The following RUNX1 variants were observed in gnomAD, a reference collection of about 807,000 sequenced individuals.
RUNX1 encodes runt-related transcription factor 1.
RUNX1 carries 19 observed loss-of-function variants against 42.8 expected under a neutral mutation model. That is an observed-to-expected ratio of 0.44 (90% CI 0.31 to 0.65). RUNX1 has a LOEUF of 0.65. Ranked by LOEUF, RUNX1 falls within the 30% of genes least tolerant of loss-of-function variation. The probability of loss-of-function intolerance (pLI) is 0.07; values close to 1 mark genes in which losing one functional copy is unlikely to be tolerated. For synonymous variants in RUNX1, 271 were observed against 289.4 expected, an observed-to-expected ratio of 0.94 and a Z score of 0.64; for missense variants, 528 against 672.0, an observed-to-expected ratio of 0.79 and a Z score of 2.37.
At position 34,880,550 on chromosome 21, in the gene RUNX1, A is replaced by G; in HGVS notation, c.508+7T>C. 6.2e-7 allele frequency: 1 copy of G among 1,614,038 alleles called. No homozygotes were observed. The highest frequency in any genetic ancestry group is 8.5e-7 in the Non-Finnish European group (1 of 1,179,894). ...TGTTTCAAGCATAGTTTTGACAGAT[A>G]ACGTACCTCTTCCACTTCGACCGAC... On this transcript the variant is annotated splice_region_variant and intron_variant, in intron 5 of 8. Coordinates refer to ENST00000675419, the MANE Select transcript of RUNX1 (RefSeq NM_001754.5).
intron 8 of RUNX1, among the ~76,000 whole-genome samples, chr21:34,796,465 G>A (rs753402711): frequency 4.6e-4 from 70 of 152,182 alleles, no homozygotes; most frequent in Non-Finnish European, 6.5e-4. Flanking sequence ...TGGCTGGCCT[G>A]GTGTCCCCTG....
intron 2 of RUNX1, among the ~76,000 whole-genome samples, chr21:34,997,883 G>A (rs1030850890): frequency 2.0e-5 from 3 of 152,082 alleles, no homozygotes; most frequent in Non-Finnish European, 4.4e-5. Flanking sequence ...CTTCATTTTG[G>A]CCTTTTCTGT....
At chr21:34,856,344 C>T in intron 6 of RUNX1, 1 of 518,946 alleles carries the variant, frequency 1.9e-6, no homozygotes, top group South Asian at 1.4e-5. Flanking sequence ...TACCATTTGC[C>T]CTTCTATAAT....
chr21:34,933,035 G>A (rs954321273), intron 2 of RUNX1, among the ~76,000 whole-genome samples: 6 of 152,214 alleles, frequency 3.9e-5, no homozygotes, highest in Non-Finnish European at 7.3e-5. Flanking sequence ...TGCTTTTGAA[G>A]TGGTATTAAG....
rs554918684 is a variant in RUNX1, at chr21:34,950,671, G to A, written c.59-57708C>T. 1.8e-4 allele frequency among the ~76,000 whole-genome samples: 27 copies of A among 152,316 alleles called. 1 individual carries two copies. Among genetic ancestry groups the A allele is most frequent in the Admixed American group, 1.7e-3 (26 of 15,306 alleles). On this transcript the variant is annotated intron_variant, in intron 2 of 8. Transcript: ENST00000675419. ...AGAATCACTTGAAACCAGAGGTGGA[G>A]GTTGCAGTGATCTGAGATCTTGCCA... is the stretch of plus-strand genomic sequence containing the variant.
chr21:34,894,692 C>G lies in RUNX1; in HGVS notation c.59-1729G>C, dbSNP rs560392208. 2.6e-5 allele frequency among the ~76,000 whole-genome samples: 4 copies of G among 152,204 alleles called. No homozygotes were observed. In the South Asian group the frequency reaches 8.3e-4, roughly 32 times the overall value. ...TAGCTTGCATGCTCTCTCTCTGTCT[C>G]TCTCTTCCCTACATCCCCCATTGAA... On this transcript the variant is annotated intron_variant, in intron 2 of 8. Coordinates refer to ENST00000675419, the MANE Select transcript of RUNX1 (RefSeq NM_001754.5).
At chr21:34,926,691 A>G (rs1036744926) in intron 2 of RUNX1, among the ~76,000 whole-genome samples, 7 of 152,112 alleles carry the variant, frequency 4.6e-5, no homozygotes, top group African/African-American at 1.7e-4. Context: ...ATATCAGGTT[A>G]AGGTATGTGA....
At chr21:34,849,913 AATT>A (rs895988883) in intron 6 of RUNX1, among the ~76,000 whole-genome samples, 3 of 150,886 alleles carry the variant, frequency 2.0e-5, no homozygotes, top group Non-Finnish European at 3.0e-5. Context: ...GCTAAACTGG[AATT>A]ATTATTATTA....
chr21:34,796,854 GT>G (rs983506066), intron 8 of RUNX1, among the ~76,000 whole-genome samples: 13 of 152,206 alleles, frequency 8.5e-5, no homozygotes, highest in Admixed American at 2.0e-4. Flanking sequence ...TTCAGACAAG[GT>G]GTGGAGTCTG....
At chr21:34,958,949 G>C (rs1367336434) in intron 2 of RUNX1, among the ~76,000 whole-genome samples, 1 of 150,862 alleles carries the variant, frequency 6.6e-6, no homozygotes, top group Admixed American at 6.6e-5. Flanking sequence ...CTATCGCAAA[G>C]ACAAAAAACC....
At chr21:34,898,932 T>A (rs1279535397) in intron 2 of RUNX1, among the ~76,000 whole-genome samples, 1 of 152,058 alleles carries the variant, frequency 6.6e-6, no homozygotes, top group African/African-American at 2.4e-5. Context: ...TTTTATTTTT[T>A]AGACAGAGTC....
intron 2 of RUNX1, among the ~76,000 whole-genome samples, chr21:34,998,172 G>A (rs2059011092): frequency 6.6e-6 from 1 of 152,122 alleles, no homozygotes; most frequent in African/African-American, 2.4e-5. Context: ...TATCTTTGCT[G>A]CCCTCGTTTC....
chr21:35,009,251 C>A (rs546666381), intron 2 of RUNX1, among the ~76,000 whole-genome samples: 1 of 152,178 alleles, frequency 6.6e-6, no homozygotes, highest in Non-Finnish European at 1.5e-5. Flanking sequence ...TGCTAGATCA[C>A]GTGTTCTTTT....
chr21:34,817,166 G>A (rs1480383971), intron 7 of RUNX1, among the ~76,000 whole-genome samples: 1 of 152,116 alleles, frequency 6.6e-6, no homozygotes, highest in Non-Finnish European at 1.5e-5. Flanking sequence ...GTCACTCAAG[G>A]TCACATAGAG....
At chr21:34,887,352 A>T (rs746394530) in intron 3 of RUNX1, 3 of 1,436,968 alleles carry the variant, frequency 2.1e-6, no homozygotes, top group Non-Finnish European at 2.7e-6. Flanking sequence ...ATGGGCTCCT[A>T]GCAACCGATT....
At chr21:34,977,018 A>G (rs2058807089) in intron 2 of RUNX1, among the ~76,000 whole-genome samples, 1 of 152,216 alleles carries the variant, frequency 6.6e-6, no homozygotes, top group African/African-American at 2.4e-5. Context: ...AGCTGTGAAA[A>G]TATTTATCTT....
rs377681816 is a variant in RUNX1 at position 34,880,539 on chromosome 21, T to C, written c.508+18A>G. 3.2e-4 allele frequency: 509 copies of C among 1,613,660 alleles called. No individual in the cohort carries two copies. The highest frequency in any genetic ancestry group is 4.1e-4 in the Non-Finnish European group (487 of 1,179,706). ...GCCATGAAACGTGTTTCAAGCATAGTTTTGACAGATAACGTACCTCTTCCA... is the reference window on the plus strand; with the variant it reads ...GCCATGAAACGTGTTTCAAGCATAGCTTTGACAGATAACGTACCTCTTCCA... On this transcript the variant is annotated intron_variant, in intron 5 of 8. Transcript: ENST00000675419.
At chr21:34,938,106 T>C (rs1027830613) in intron 2 of RUNX1, among the ~76,000 whole-genome samples, 1 of 152,192 alleles carries the variant, frequency 6.6e-6, no homozygotes, top group Admixed American at 6.6e-5. Flanking sequence ...TAATAAATCA[T>C]GAGTTACATA....
intron 2 of RUNX1, among the ~76,000 whole-genome samples, chr21:35,013,172 C>T (rs2059137552): frequency 1.3e-5 from 2 of 152,166 alleles, no homozygotes; most frequent in Non-Finnish European, 2.9e-5. Context: ...TAAAAATGTC[C>T]TGCCTTTTGT....
Sources: gnomAD v4.1 joint callset for allele counts (sites outside exome capture counted in the v4.1 genomes callset) on GRCh38, gnomAD v4.1.1 for gene constraint, MANE v1.5 for transcripts, NCBI Gene and HGNC (gene_info 2026-07-23, HGNC 2026-07-21) for gene names.